The following SCHIP1 variants were observed in gnomAD, a reference collection of about 807,000 sequenced individuals.
SCHIP1 encodes the protein schwannomin-interacting protein 1.
In SCHIP1, 8 loss-of-function variants were observed where a neutral mutation model predicts 29.7. That is an observed-to-expected ratio of 0.27 (90% CI 0.16 to 0.49). SCHIP1 has a LOEUF of 0.49. Ranked by LOEUF, SCHIP1 falls within the 20% of genes least tolerant of loss-of-function variation. The pLI is 0.99. For missense variants in SCHIP1, 193 were observed against 294.6 expected (o/e 0.66, Z 2.52); for synonymous variants, 76 against 94.9 (o/e 0.80, Z 1.16).
At chr3:159,602,063 G>A in the SCHIP1 span, among the ~76,000 whole-genome samples, 1 of 152,180 alleles carries the variant, frequency 6.6e-6, no homozygotes, top group Non-Finnish European at 1.5e-5. Context: ...CACCCATCTG[G>A]TATCAGGGAT....
At chr3:159,447,982 C>T in the SCHIP1 span, among the ~76,000 whole-genome samples, 1 of 152,096 alleles carries the variant, frequency 6.6e-6, no homozygotes, top group Non-Finnish European at 1.5e-5. Flanking sequence ...GGGATCCTGG[C>T]AAGAGTAGAC....
the SCHIP1 span, among the ~76,000 whole-genome samples, chr3:159,307,636 C>A: frequency 6.6e-6 from 1 of 152,192 alleles, no homozygotes; most frequent in South Asian, 2.1e-4. Flanking sequence ...GCCAAAAATT[C>A]TTTGCCAAAG....
At chr3:159,764,480 C>CCGGCAG in the SCHIP1 span, 1 of 1,591,660 alleles carries the variant, frequency 6.3e-7, no homozygotes, top group Non-Finnish European at 8.5e-7. The surrounding 1 kb of genome is among the most constrained non-coding windows in gnomAD (Gnocchi z 6.1). Context: ...GGCAGTGACG[C>CCGGCAG]CGGCAGCAGC....
At chr3:159,635,412 G>C in the SCHIP1 span, among the ~76,000 whole-genome samples, 1 of 152,124 alleles carries the variant, frequency 6.6e-6, no homozygotes, top group Admixed American at 6.5e-5. Context: ...TAATTGACAT[G>C]GAAGTATTTT....
At chr3:159,335,742 C>A in the SCHIP1 span, among the ~76,000 whole-genome samples, 3 of 152,046 alleles carry the variant, frequency 2.0e-5, no homozygotes, top group Non-Finnish European at 4.4e-5. Flanking sequence ...CCAGTCTATC[C>A]TTGTTGGAAA....
the SCHIP1 span, among the ~76,000 whole-genome samples, chr3:159,277,078 G>T: frequency 2.0e-5 from 3 of 152,022 alleles, no homozygotes; most frequent in Admixed American, 6.6e-5. Context: ...ATTCTGGATT[G>T]ACCTCAGTAG....
chr3:159,300,113 C>CTTTTTTTTTTTTTTTTTTTTT, the SCHIP1 span, among the ~76,000 whole-genome samples: 13 of 45,380 alleles, frequency 2.9e-4, 3 homozygotes, highest in Non-Finnish European at 4.0e-4. Flanking sequence ...GGGAAAGCTG[C>CTTTTTTTTTTTTTTTTTTTTT]TTTTTTTTTT....
chr3:159,523,359 A>G, the SCHIP1 span, among the ~76,000 whole-genome samples: 1 of 152,164 alleles, frequency 6.6e-6, no homozygotes, highest in Non-Finnish European at 1.5e-5. Context: ...TTTTTCATTT[A>G]TGTTGCATTA....
chr3:159,860,062 C>A (rs1277711900), intron 1 of SCHIP1, among the ~76,000 whole-genome samples: 2 of 151,992 alleles, frequency 1.3e-5, no homozygotes, highest in Non-Finnish European at 2.9e-5. Context: ...TCCCTGGTCT[C>A]CACTTGGCCA....
chr3:159,571,797 T>C, the SCHIP1 span, among the ~76,000 whole-genome samples: 1 of 152,222 alleles, frequency 6.6e-6, no homozygotes, highest in Non-Finnish European at 1.5e-5. Context: ...ATTGCCTCAA[T>C]TTCAGAGCCT....
the SCHIP1 span, among the ~76,000 whole-genome samples, chr3:159,424,522 C>T: frequency 6.6e-6 from 1 of 152,120 alleles, no homozygotes; most frequent in Non-Finnish European, 1.5e-5. Flanking sequence ...ACAAAGCCTC[C>T]AAGAAATATG....
At chr3:159,680,070 T>C in the SCHIP1 span, among the ~76,000 whole-genome samples, 1 of 152,084 alleles carries the variant, frequency 6.6e-6, no homozygotes, top group Non-Finnish European at 1.5e-5. Context: ...CTACGTGCGT[T>C]ACTTCTTAAC....
the SCHIP1 span, among the ~76,000 whole-genome samples, chr3:159,651,973 G>C: frequency 6.6e-6 from 1 of 152,126 alleles, no homozygotes; most frequent in Non-Finnish European, 1.5e-5. Context: ...GCACGTGCCT[G>C]TAGTCCCTGC....
chr3:159,833,524 AC>A, the SCHIP1 span, among the ~76,000 whole-genome samples: 1 of 152,108 alleles, frequency 6.6e-6, no homozygotes, highest in Non-Finnish European at 1.5e-5. Context: ...TCATAATTTT[AC>A]CTTGCCGCTT....
rs962411565 is a variant in SCHIP1, at chr3:159,861,504, G to C, written c.31-4659G>C. On this transcript the variant is annotated intron_variant, in intron 1 of 6. Coordinates refer to ENST00000445224, the Ensembl canonical transcript of SCHIP1. This position sits in a 1 kb window ranked among gnomAD's most constrained non-coding sequence, Gnocchi z 4.1. ...GCTCAGTGGTCTGTTCTAAGATCAT[G>C]GTGGCTTGCATGGCATCATTGAAAG... is the stretch of plus-strand genomic sequence containing the variant. Among the ~76,000 whole-genome samples, 1 of 152,174 alleles carries C rather than the reference G, an allele frequency of 6.6e-6. No individual in the cohort carries two copies. Among genetic ancestry groups the C allele is most frequent in the African/African-American group, 2.4e-5 (1 of 41,430 alleles).
chr3:159,714,853 T>C, the SCHIP1 span, among the ~76,000 whole-genome samples: 1 of 152,266 alleles, frequency 6.6e-6, no homozygotes, highest in African/African-American at 2.4e-5. Context: ...GCAAAACTTC[T>C]GCAGACTTAA....
the SCHIP1 span, among the ~76,000 whole-genome samples, chr3:159,700,639 G>A: frequency 4.6e-5 from 7 of 152,182 alleles, no homozygotes; most frequent in Middle Eastern, 3.4e-3. Context: ...GACCAATATG[G>A]TGAAACCCCA....
At chr3:159,515,199 A>T in the SCHIP1 span, among the ~76,000 whole-genome samples, 1 of 101,688 alleles carries the variant, frequency 9.8e-6, no homozygotes, top group Non-Finnish European at 2.1e-5. Context: ...AGTGGTTATT[A>T]AAAAAAAAAA....
At chr3:159,325,986 T>C in the SCHIP1 span, among the ~76,000 whole-genome samples, 2 of 152,248 alleles carry the variant, frequency 1.3e-5, no homozygotes, top group Admixed American at 6.5e-5. Context: ...TGGACACTTG[T>C]AATGTGCCAC....
Sources: gnomAD v4.1 joint callset for allele counts (sites outside exome capture counted in the v4.1 genomes callset) on GRCh38, gnomAD v4.1.1 for gene constraint, Gnocchi (gnomAD v3.1) non-coding constraint, MANE v1.5 for transcripts, NCBI Gene and HGNC (gene_info 2026-07-23, HGNC 2026-07-21) for gene names.